Variants in PLEKHG1 observed in about 807,000 individuals in gnomAD.
PLEKHG1 encodes the protein pleckstrin homology domain-containing family G member 1.
A neutral mutation model predicts 100.8 loss-of-function variants in PLEKHG1; 44 were observed. The observed-to-expected ratio is 0.44, with a 90% CI of 0.34 to 0.56. The LOEUF (loss-of-function observed/expected upper bound fraction) is 0.56, where lower values mean the gene tolerates loss of function less well. Among genes scored for constraint, PLEKHG1 ranks in the 20% least tolerant of loss-of-function variants. The pLI is 0.01. For missense variants in PLEKHG1, 1,545 were observed against 1,720.9 expected (o/e 0.90, Z 1.81); for synonymous variants, 640 against 662.5 (o/e 0.97, Z 0.52).
intron 3 of PLEKHG1, among the ~76,000 whole-genome samples, chr6:150,773,797 C>A (rs1435073853): frequency 1.3e-5 from 2 of 152,160 alleles, no homozygotes; most frequent in African/African-American, 4.8e-5. Flanking sequence ...ACAGAATTGA[C>A]ATCTTTACAT....
At chr6:150,823,033 T>G (rs1301354365) in intron 13 of PLEKHG1, among the ~76,000 whole-genome samples, 1 of 152,166 alleles carries the variant, frequency 6.6e-6, no homozygotes, top group Admixed American at 6.6e-5. Flanking sequence ...ATGGGAGTAG[T>G]GCAGGAGCTG....
At chr6:150,756,675 T>C (rs1783856783) in intron 2 of PLEKHG1, among the ~76,000 whole-genome samples, 1 of 152,206 alleles carries the variant, frequency 6.6e-6, no homozygotes, top group Non-Finnish European at 1.5e-5. Context: ...ACTTCCAGCC[T>C]TTTCCAGTTA....
chr6:150,834,983 C>T (rs909471040), intron 15 of PLEKHG1, among the ~76,000 whole-genome samples: 10 of 152,010 alleles, frequency 6.6e-5, no homozygotes, highest in African/African-American at 2.4e-4. Context: ...CACAGGACGT[C>T]GTAATCGAAT....
At chr6:150,823,601 T>C (rs937108124) in intron 13 of PLEKHG1, 53 bp from the exon 15 acceptor site, 13 of 1,220,664 alleles carry the variant, frequency 1.1e-5, no homozygotes, top group African/African-American at 6.0e-5. Flanking sequence ...TGCTTACTTA[T>C]ATAGGAGGTA....
intron 2 of PLEKHG1, among the ~76,000 whole-genome samples, chr6:150,650,255 A>G (rs1778674540): frequency 6.6e-6 from 1 of 152,106 alleles, no homozygotes; most frequent in African/African-American, 2.4e-5. Flanking sequence ...TTTTGGAGCT[A>G]GGGATGCTGC....
intron 4 of PLEKHG1, among the ~76,000 whole-genome samples, chr6:150,794,616 G>A (rs1786206795): frequency 6.6e-6 from 1 of 151,806 alleles, no homozygotes; most frequent in Non-Finnish European, 1.5e-5. Flanking sequence ...GCAGTGAGCC[G>A]AGGTTGCGCC....
chr6:150,644,334 G>GTTTTTTTTTTGTTT (rs1778395084), intron 2 of PLEKHG1, among the ~76,000 whole-genome samples: 5 of 117,622 alleles, frequency 4.3e-5, no homozygotes, highest in Admixed American at 1.9e-4. Context: ...TTCTTTTCGT[G>GTTTTTTTTTTGTTT]TTTTTTTTTT....
chr6:150,776,597 C>T lies in PLEKHG1; in HGVS notation c.512+7859C>T, dbSNP rs556196207. On this transcript the variant is annotated intron_variant, in intron 3 of 15. Coordinates refer to ENST00000358517, the Ensembl canonical transcript of PLEKHG1. ...CATGTGCAGTTGCACATTACTCACA[C>T]TGATGCAGTCCTGGTGCACATGTGC... 1.2e-3 allele frequency among the ~76,000 whole-genome samples: 164 copies of T among 137,748 alleles called. 30 individuals are homozygous for T. Among genetic ancestry groups the T allele is most frequent in the African/African-American group, 4.9e-3 (159 of 32,402 alleles). 90.4% of individuals were successfully genotyped at this position (137,748 alleles called of 152,430 possible).
At position 150,809,485 on chromosome 6, in the gene PLEKHG1, CG is replaced by C. The variant is rs756948407; in HGVS notation, c.1191+12del. ...TGCAGCACACAGTCCAGGTAGCAGCCGGGCCCTGGCCTCTCCGCAAGGCCCC... is the reference window on the plus strand; with the variant it reads ...TGCAGCACACAGTCCAGGTAGCAGCCGGCCCTGGCCTCTCCGCAAGGCCCC... On this transcript the variant is annotated intron_variant, in intron 9 of 15. Coordinates refer to ENST00000358517, the Ensembl canonical transcript of PLEKHG1. The C allele has an allele frequency of 1.2e-6, 2 of 1,608,130 alleles. No homozygotes were observed. Among genetic ancestry groups the C allele is most frequent in the Non-Finnish European group, 1.7e-6 (2 of 1,174,932 alleles).
chr6:150,619,350 A>G (rs564733045), intron 1 of PLEKHG1, among the ~76,000 whole-genome samples: 189 of 152,204 alleles, frequency 1.2e-3, no homozygotes, highest in African/African-American at 4.4e-3. Context: ...ATGCTGTTGC[A>G]TTCTTTCATT....
intron 3 of PLEKHG1, among the ~76,000 whole-genome samples, chr6:150,677,283 T>TACACACACACACAC (rs756621195): frequency 8.9e-5 from 12 of 134,138 alleles, no homozygotes; most frequent in African/African-American, 3.0e-4. Context: ...TTTCTTCCCC[T>TACACACACACACAC]ATACACACAC....
chr6:150,612,004 A>G (rs1776853223), intron 1 of PLEKHG1, among the ~76,000 whole-genome samples: 1 of 149,926 alleles, frequency 6.7e-6, no homozygotes, highest in South Asian at 2.1e-4. Flanking sequence ...CTGGACTCAT[A>G]ATCTCTATTT....
exon 16 of PLEKHG1, chr6:150,840,290 T>G (rs781391188): frequency 3.7e-6 from 6 of 1,614,092 alleles, no homozygotes; most frequent in Non-Finnish European, 5.1e-6. Flanking sequence ...CCCAGTCATC[T>G]TCCTCCGTCT....
exon 16 of PLEKHG1, chr6:150,842,684 T>C (rs1272114722): frequency 6.6e-6 from 1 of 152,194 alleles, no homozygotes; most frequent in African/African-American, 2.4e-5. Context: ...AAAAGATAAG[T>C]ACCACAAGAA....
chr6:150,830,128 A>G (rs1776834731), intron 14 of PLEKHG1, among the ~76,000 whole-genome samples: 2 of 152,214 alleles, frequency 1.3e-5, no homozygotes, highest in Admixed American at 1.3e-4. Context: ...TAGTCTTACT[A>G]CTGACTAGAT....
chr6:150,731,199 T>C (rs1262476501), intron 1 of PLEKHG1, among the ~76,000 whole-genome samples: 1 of 152,208 alleles, frequency 6.6e-6, no homozygotes, highest in East Asian at 1.9e-4. Context: ...CGCACCCAAG[T>C]TGGATCAGGC....
chr6:150,740,537 C>A (rs1782802056), intron 2 of PLEKHG1, among the ~76,000 whole-genome samples: 1 of 152,200 alleles, frequency 6.6e-6, no homozygotes, highest in East Asian at 1.9e-4. Flanking sequence ...ATTTATTGGA[C>A]ACTTCTTACA....
chr6:150,703,136 G>A (rs1418548370), intron 3 of PLEKHG1, among the ~76,000 whole-genome samples: 1 of 151,876 alleles, frequency 6.6e-6, no homozygotes, highest in African/African-American at 2.4e-5. Flanking sequence ...TCAGACCCAG[G>A]TTTTAGCCTC....
At chr6:150,631,980 T>C (rs890770272) in intron 1 of PLEKHG1, among the ~76,000 whole-genome samples, 9 of 152,190 alleles carry the variant, frequency 5.9e-5, no homozygotes, top group African/African-American at 2.2e-4. Flanking sequence ...CCACCAGAGC[T>C]TCTAGGCTTT....
Sources: allele counts gnomAD v4.1 joint callset (sites outside exome capture counted in the v4.1 genomes callset), GRCh38; gene constraint gnomAD v4.1.1; transcripts MANE v1.5; gene names NCBI Gene and HGNC (gene_info 2026-07-23, HGNC 2026-07-21).